ARHGEF28: variants seen among roughly 807,000 people sequenced by gnomAD.
ARHGEF28 encodes the protein 190 kDa guanine nucleotide exchange factor.
ARHGEF28 carries 152 observed loss-of-function variants against 206.6 expected under a neutral mutation model. The observed-to-expected ratio is 0.74, with a 90% CI of 0.64 to 0.84. The LOEUF is 0.84. Among genes scored for constraint, ARHGEF28 ranks in the 40% least tolerant of loss-of-function variants. The pLI is 0.00. For missense variants in ARHGEF28, 2,028 were observed against 2,073.2 expected (o/e 0.98, Z 0.42); for synonymous variants, 763 against 776.4 (o/e 0.98, Z 0.29).
chr5:73,710,858 C>A (rs927251166), intron 2 of ARHGEF28, among the ~76,000 whole-genome samples: 5 of 152,200 alleles, frequency 3.3e-5, no homozygotes, highest in Non-Finnish European at 5.9e-5. Context: ...GTGTACCACC[C>A]ATGCCTGGCT....
chr5:73,690,903 A>G (rs1056195595), intron 2 of ARHGEF28, among the ~76,000 whole-genome samples: 2 of 152,206 alleles, frequency 1.3e-5, no homozygotes, highest in East Asian at 3.8e-4. Flanking sequence ...AAGTAAAATT[A>G]TTAAAAAGAA....
At chr5:73,887,144 C>T (rs372063972) in intron 25 of ARHGEF28, among the ~76,000 whole-genome samples, 3 of 152,310 alleles carry the variant, frequency 2.0e-5, no homozygotes, top group African/African-American at 7.2e-5. Flanking sequence ...TTAGACTATT[C>T]AGTGGGTGCA....
intron 9 of ARHGEF28, among the ~76,000 whole-genome samples, chr5:73,815,249 C>T (rs1580656391): frequency 6.7e-6 from 1 of 149,634 alleles, no homozygotes; most frequent in African/African-American, 2.5e-5. Context: ...AGCTCGTACA[C>T]AAATAGAAAA....
chr5:73,877,909 G>A (rs552838936), intron 22 of ARHGEF28, among the ~76,000 whole-genome samples: 24 of 152,312 alleles, frequency 1.6e-4, no homozygotes, highest in African/African-American at 5.8e-4. Flanking sequence ...TGTTGATTTG[G>A]GGTGGAGAGT....
intron 9 of ARHGEF28, chr5:73,803,692 G>A (rs1393004866): frequency 1.3e-4 from 20 of 152,692 alleles, no homozygotes; most frequent in Admixed American, 9.8e-4. Context: ...TGTCGCTCAA[G>A]TATAGGGAGA....
At chr5:73,821,016 G>A (rs1381093961) in intron 9 of ARHGEF28, among the ~76,000 whole-genome samples, 1 of 152,122 alleles carries the variant, frequency 6.6e-6, no homozygotes, top group Non-Finnish European at 1.5e-5. Context: ...TTCTTCAGAG[G>A]CAGGGAAATC....
At chr5:73,783,578 A>G (rs1234245692) in intron 7 of ARHGEF28, among the ~76,000 whole-genome samples, 1 of 152,164 alleles carries the variant, frequency 6.6e-6, no homozygotes, top group Non-Finnish European at 1.5e-5. Context: ...GGGACCAGCC[A>G]TGGGGCTGCT....
intron 9 of ARHGEF28, among the ~76,000 whole-genome samples, chr5:73,804,098 A>G (rs1755296237): frequency 1.3e-5 from 2 of 151,566 alleles, no homozygotes; most frequent in Admixed American, 1.3e-4. Context: ...AAAAAAAAAA[A>G]AAAAAAAAAG....
chr5:73,891,464 G>A (rs1000075208), intron 26 of ARHGEF28, among the ~76,000 whole-genome samples: 7 of 151,892 alleles, frequency 4.6e-5, no homozygotes, highest in African/African-American at 1.7e-4. Context: ...CTCCTGCCTT[G>A]ACTATGGCAT....
chr5:73,896,274 A>G (rs1456627363), intron 29 of ARHGEF28, among the ~76,000 whole-genome samples: 1 of 152,256 alleles, frequency 6.6e-6, no homozygotes, highest in African/African-American at 2.4e-5. Context: ...AGGAAGTGCA[A>G]AGCCCCTGAG....
intron 2 of ARHGEF28, among the ~76,000 whole-genome samples, chr5:73,730,924 T>C (rs1328353117): frequency 6.6e-6 from 1 of 152,192 alleles, no homozygotes; most frequent in East Asian, 1.9e-4. Context: ...CTTAGATGTC[T>C]TTGGGACAGT....
intron 32 of ARHGEF28, 24 bp from the exon 33 acceptor site, chr5:73,904,334 G>C (rs778862811): frequency 6.2e-7 from 1 of 1,613,082 alleles, no homozygotes; most frequent in South Asian, 1.1e-5. Context: ...TCAAGAATTT[G>C]ACACTTACAA....
rs563079245 is a variant in ARHGEF28, at chr5:73,882,665, T to C, written c.2937+71T>C. ...GAAATAGTTTATGCTTGTTTCTTAATGATTTAAACAAATTTCTTAGCTAAT... is the reference window on the plus strand; with the variant it reads ...GAAATAGTTTATGCTTGTTTCTTAACGATTTAAACAAATTTCTTAGCTAAT... On this transcript the variant is annotated intron_variant, in intron 23 of 35. Transcript: ENST00000513042. 3.2e-5 allele frequency: 42 copies of C among 1,318,808 alleles called. No homozygotes were observed. In the African/African-American group the frequency reaches 6.4e-4, roughly 20 times the overall value. The allele number at this position is 1,318,808 out of a possible 1,614,324, so 81.7% of individuals were successfully genotyped here.
intron 35 of ARHGEF28, among the ~76,000 whole-genome samples, chr5:73,916,516 G>A (rs1763221296): frequency 6.6e-6 from 1 of 152,200 alleles, no homozygotes; most frequent in Admixed American, 6.5e-5. Flanking sequence ...TTGACTTGCG[G>A]ATGAGATGGC....
chr5:73,900,008 G>C (rs1212019751), intron 30 of ARHGEF28: 1 of 152,210 alleles, frequency 6.6e-6, no homozygotes, highest in Non-Finnish European at 1.5e-5. Context: ...GCACCCAATA[G>C]TAGAACCATT....
At chr5:73,764,803 A>G (rs1423775729) in intron 4 of ARHGEF28, among the ~76,000 whole-genome samples, 5 of 152,204 alleles carry the variant, frequency 3.3e-5, no homozygotes, top group Non-Finnish European at 2.9e-5. Context: ...CACCAACCTC[A>G]GATCTCCTGT....
intron 35 of ARHGEF28, among the ~76,000 whole-genome samples, chr5:73,934,874 GA>G (rs1764329265): frequency 6.6e-6 from 1 of 152,162 alleles, no homozygotes; most frequent in African/African-American, 2.4e-5. Flanking sequence ...CCTGTTTAGA[GA>G]AACATACTTT....
intron 4 of ARHGEF28, among the ~76,000 whole-genome samples, chr5:73,768,251 G>A (rs960863777): frequency 3.3e-5 from 5 of 152,094 alleles, no homozygotes; most frequent in Non-Finnish European, 7.3e-5. Context: ...GCCTAGTGGA[G>A]CTGTGAGAAG....
rs769378796 is a variant in ARHGEF28 at position 73,752,952 on chromosome 5, C to T, written c.225C>T (p.Cys75=). Residue 75 remains cysteine (C), a synonymous_variant, in exon 4 of 36, where the codon TGC becomes TGT. Coordinates refer to ENST00000513042, the MANE Select transcript of ARHGEF28 (RefSeq NM_001177693.2). ...QETVTVSVCL[C]SEGYSPVTMG... is the part of the protein sequence containing the mutation. ...CGGTGACGGTATCTGTGTGCCTCTG[C>T]TCGGAAGGTTACTCTCCGGTGACCA... The T allele has an allele frequency of 1.1e-5, 17 of 1,613,764 alleles. No homozygotes were observed. In the African/African-American group the frequency reaches 2.3e-4, roughly 22 times the overall value.
Sources: gnomAD v4.1 joint callset for allele counts (sites outside exome capture counted in the v4.1 genomes callset) on GRCh38, gnomAD v4.1.1 for gene constraint, MANE v1.5 for transcripts, NCBI Gene and HGNC (gene_info 2026-07-23, HGNC 2026-07-21) for gene names.